The following XPO4 variants were observed in gnomAD, a reference collection of about 807,000 sequenced individuals.
XPO4 encodes the protein exportin-4.
XPO4 carries 39 observed loss-of-function variants against 143.0 expected under a neutral mutation model. The observed-to-expected ratio is 0.27, with a 90% CI of 0.21 to 0.36. The LOEUF is 0.36. XPO4 is among the 10% of genes least tolerant of loss of function. The pLI is 1.00. For synonymous variants in XPO4, 439 were observed against 474.0 expected (o/e 0.93, Z 0.96); for missense variants, 907 against 1,348.0 (o/e 0.67, Z 5.12).
At chr13:20,852,141 A>G in intron 4 of XPO4, 1 of 985,456 alleles carries the variant, frequency 1.0e-6, no homozygotes. Context: ...CCTGGCTGGA[A>G]TGATCACCAA....
At chr13:20,850,015 A>C in intron 4 of XPO4, 3 of 710,242 alleles carry the variant, frequency 4.2e-6, no homozygotes, top group Non-Finnish European at 5.2e-6. Flanking sequence ...CTGAGGCATG[A>C]GAATCGCTTA....
chr13:20,870,307 T>C (rs1388620969), intron 1 of XPO4, among the ~76,000 whole-genome samples: 1 of 151,048 alleles, frequency 6.6e-6, no homozygotes, highest in Non-Finnish European at 1.5e-5. Context: ...GGTGCACACC[T>C]GTAAATCCCA....
At chr13:20,823,025 T>C (rs746095134) in intron 7 of XPO4, among the ~76,000 whole-genome samples, 1 of 152,224 alleles carries the variant, frequency 6.6e-6, no homozygotes, top group South Asian at 2.1e-4. Context: ...TTTTATAGTA[T>C]TAATATTCTC....
At chr13:20,834,356 T>C (rs564813613) in intron 6 of XPO4, among the ~76,000 whole-genome samples, 1 of 152,088 alleles carries the variant, frequency 6.6e-6, no homozygotes, top group South Asian at 2.1e-4. Context: ...AAAAACAATT[T>C]ACAATTGAAT....
intron 1 of XPO4, among the ~76,000 whole-genome samples, chr13:20,892,247 T>G (rs1225715027): frequency 6.6e-6 from 1 of 151,988 alleles, no homozygotes; most frequent in Non-Finnish European, 1.5e-5. Flanking sequence ...CCACCATGCC[T>G]GGCTAATTTT....
intron 1 of XPO4, among the ~76,000 whole-genome samples, chr13:20,888,872 G>A (rs981331163): frequency 3.3e-5 from 5 of 151,270 alleles, no homozygotes; most frequent in South Asian, 2.1e-4. Flanking sequence ...GTGCAATCTC[G>A]GCTCACTGCA....
intron 1 of XPO4, chr13:20,869,735 G>A: frequency 3.1e-6 from 1 of 320,904 alleles, no homozygotes; most frequent in Non-Finnish European, 4.5e-6. Flanking sequence ...ATTAGCTAAA[G>A]CCAGTTCAGA....
intron 10 of XPO4, 111 bp downstream of exon 10, chr13:20,809,680 A>G: frequency 1.6e-6 from 2 of 1,251,908 alleles, no homozygotes; most frequent in South Asian, 3.8e-5. Flanking sequence ...GCTCCCAGCA[A>G]ATCTTCTGAG....
intron 9 of XPO4, among the ~76,000 whole-genome samples, chr13:20,814,272 C>T (rs1180162662): frequency 3.3e-5 from 5 of 150,646 alleles, no homozygotes; most frequent in South Asian, 2.1e-4. Context: ...CACATGTTAT[C>T]GTGGTTTAAT....
In XPO4 at chr13:20,796,962, A is replaced by G; in HGVS notation, c.2418T>C (p.Thr806=). Residue 806 remains threonine (T), a synonymous_variant, in exon 17 of 23, where the codon ACT becomes ACC. Coordinates refer to ENST00000255305, the MANE Select transcript of XPO4 (RefSeq NM_022459.5). ...TGCCACACAGGGCCTCTAGTGTGGC[A>G]GTGATTTCCTGCTTGACTTCCTCTT... is the stretch of plus-strand genomic sequence containing the variant. ...CQQEEVKQEI[T]ATLEALCGIA... is the part of the protein sequence containing the mutation. The G allele has an allele frequency of 1.2e-6, 2 of 1,614,040 alleles. No individual in the cohort carries two copies. Among genetic ancestry groups the G allele is most frequent in the Non-Finnish European group, 1.7e-6 (2 of 1,179,968 alleles).
chr13:20,875,474 C>G (rs532343524), intron 1 of XPO4, among the ~76,000 whole-genome samples: 2 of 152,194 alleles, frequency 1.3e-5, no homozygotes, highest in South Asian at 4.1e-4. Flanking sequence ...CTTTACATAT[C>G]TTCCGTTTTA....
Position 20,818,786 on chromosome 13 carries a change from A to G in XPO4, c.1173+2918T>C, listed in dbSNP as rs964353219. ...ATTCTACATGTTATTGCTTGTAATA[A>G]ATTATTGTACACTATACACGTCCCC... On this transcript the variant is annotated intron_variant, in intron 9 of 22. Transcript: ENST00000255305. Among the ~76,000 whole-genome samples, 6 of 152,052 alleles carry G rather than the reference A, an allele frequency of 3.9e-5. No individual in the cohort carries two copies. In the South Asian group the frequency reaches 6.2e-4, roughly 16 times the overall value.
intron 2 of XPO4, among the ~76,000 whole-genome samples, chr13:20,867,106 G>A (rs1353396384): frequency 1.3e-5 from 2 of 152,182 alleles, no homozygotes; most frequent in Admixed American, 1.3e-4. Context: ...GTTTAGTTTT[G>A]CTTCCTTTAA....
At position 20,827,139 on chromosome 13, in the gene XPO4, A is replaced by G. The variant is rs2059795061; in HGVS notation, c.768T>C (p.Asn256=). ...HYIAMFESSQ[N]VLLKPTESWR... ...AGGACTCTGTTGGCTTCAACAGCAC[A>G]TTTTGCGAGGATTCAAACATAGCTA... Residue 256 remains asparagine, a synonymous_variant, in exon 7 of 23, where the codon AAT becomes AAC. Transcript: ENST00000255305. 6.2e-7 allele frequency: 1 copy of G among 1,613,996 alleles called. No individual in the cohort carries two copies. The highest frequency in any genetic ancestry group is 8.5e-7 in the Non-Finnish European group (1 of 1,179,892).
In XPO4 at chr13:20,874,150, A is replaced by G. The variant is rs182721200; in HGVS notation, c.70-5449T>C. The stretch of plus-strand genomic sequence containing the variant: ...ACAGTTGGGTAGACTAACATCTCTC[A>G]GATACCTAGTAGAGAAATCTGAATA... On this transcript the variant is annotated intron_variant, in intron 1 of 22. Coordinates refer to ENST00000255305, the MANE Select transcript of XPO4 (RefSeq NM_022459.5). Among the ~76,000 whole-genome samples, 6 of 152,318 alleles carry G rather than the reference A, an allele frequency of 3.9e-5. No individual in the cohort carries two copies. The East Asian group carries it at 7.7e-4, about 20-fold the overall frequency.
At chr13:20,841,829 A>G (rs1178894275) in intron 6 of XPO4, among the ~76,000 whole-genome samples, 1 of 151,488 alleles carries the variant, frequency 6.6e-6, no homozygotes, top group Non-Finnish European at 1.5e-5. Context: ...AATGAGTCCC[A>G]TACTAGATCT....
At chr13:20,854,978 T>C (rs1041304480) in intron 4 of XPO4, among the ~76,000 whole-genome samples, 7 of 152,328 alleles carry the variant, frequency 4.6e-5, no homozygotes, top group Non-Finnish European at 7.3e-5. Context: ...CTAGTAGCTG[T>C]CAAAGGTTTA....
At chr13:20,833,345 G>T (rs1363362732) in intron 6 of XPO4, among the ~76,000 whole-genome samples, 1 of 152,132 alleles carries the variant, frequency 6.6e-6, no homozygotes, top group Non-Finnish European at 1.5e-5. Flanking sequence ...TCCGGAGGGG[G>T]ACTGGTTCCA....
intron 3 of XPO4, among the ~76,000 whole-genome samples, chr13:20,858,922 GTA>G (rs59921874): frequency 0.14 from 20,349 of 148,252 alleles, 1,464 homozygotes; most frequent in Middle Eastern, 0.18. Context: ...ATGTGTGTGT[GTA>G]TATATATATA....
Sources: allele counts gnomAD v4.1 joint callset (sites outside exome capture counted in the v4.1 genomes callset), GRCh38; gene constraint gnomAD v4.1.1; transcripts MANE v1.5; gene names NCBI Gene and HGNC (gene_info 2026-07-23, HGNC 2026-07-21).